UTS2B: variants seen among roughly 807,000 people sequenced by gnomAD.
UTS2B encodes the protein urotensin-2B.
Under a neutral mutation model 19.2 loss-of-function variants are expected in UTS2B, and 21 were observed. That is an observed-to-expected ratio of 1.09 (90% confidence interval 0.78 to 1.58). UTS2B has a LOEUF of 1.58. UTS2B is among the 40% of genes most tolerant of loss of function. The probability of loss-of-function intolerance (pLI) is 0.00; values close to 1 mark genes in which losing one functional copy is unlikely to be tolerated. For missense variants in UTS2B, 138 were observed against 130.3 expected (o/e 1.06, Z -0.29); for synonymous variants, 57 against 50.2 (o/e 1.14, Z -0.58).
rs143746947 is a variant in UTS2B, at chr3:191,294,001, G to A, written c.-125+10491C>T. On this transcript the variant is annotated intron_variant, in intron 4 of 8. Transcript: ENST00000340524. ...CACACGCCTGTAATCCCAGCTACTCGGGTGGCTGAGGCTGGAGAATCGCTT... is the reference window on the plus strand; with the variant it reads ...CACACGCCTGTAATCCCAGCTACTCAGGTGGCTGAGGCTGGAGAATCGCTT... Among the ~76,000 whole-genome samples the A allele has an allele frequency of 3.0e-3, 459 of 151,876 alleles. 13 individuals carry two copies. The highest frequency in any genetic ancestry group is 9.7e-3 in the African/African-American group (398 of 41,224).
Position 191,267,850 on chromosome 3 carries a change from C to T in UTS2B, c.*566G>A, listed in dbSNP as rs998568494. ...CTAACAGAGCCTTAAAACAGAAACA[C>T]AATCTTTCCATAACCTATGATTAGC... On this transcript the variant is annotated 3_prime_UTR_variant, in exon 9 of 9. Transcript: ENST00000340524. 2.6e-5 allele frequency: 4 copies of T among 152,178 alleles called. No homozygotes were observed. Among genetic ancestry groups the T allele is most frequent in the African/African-American group, 9.7e-5 (4 of 41,424 alleles). 9.4% of individuals were successfully genotyped at this position (152,178 alleles called of 1,614,324 possible).
the UTS2B span, among the ~76,000 whole-genome samples, chr3:191,336,554 C>T: frequency 6.6e-6 from 1 of 151,944 alleles, no homozygotes. Context: ...TTTACATATT[C>T]TGGATACAGT....
intron 1 of UTS2B, chr3:191,329,585 C>A (rs1030080788): frequency 2.9e-6 from 4 of 1,388,630 alleles, no homozygotes; most frequent in African/African-American, 1.5e-5. Context: ...TGCGCCGCGT[C>A]CGGCGCTGCT....
intron 2 of UTS2B, among the ~76,000 whole-genome samples, chr3:191,321,920 G>A (rs11927116): frequency 0.3 from 45,190 of 151,868 alleles, 7,622 homozygotes; most frequent in African/African-American, 0.46. Flanking sequence ...CCAGCTATTC[G>A]GGAGGCTGAG....
intron 8 of UTS2B, among the ~76,000 whole-genome samples, chr3:191,271,592 T>A (rs1184439264): frequency 2.0e-5 from 3 of 152,196 alleles, no homozygotes; most frequent in Non-Finnish European, 4.4e-5. Context: ...GTTGCTTTCT[T>A]GCCTCCTTCT....
At chr3:191,343,489 C>T in the UTS2B span, among the ~76,000 whole-genome samples, 16 of 152,218 alleles carry the variant, frequency 1.1e-4, no homozygotes, top group South Asian at 1.0e-3. Context: ...TGTTTAATTA[C>T]GAAATTTTAT....
At chr3:191,271,149 A>C (rs574912532) in intron 8 of UTS2B, among the ~76,000 whole-genome samples, 1 of 144,372 alleles carries the variant, frequency 6.9e-6, no homozygotes, top group Admixed American at 7.1e-5. Flanking sequence ...GGTTGCAGTG[A>C]GCAGAGATCA....
intron 6 of UTS2B, among the ~76,000 whole-genome samples, chr3:191,277,871 A>T (rs1201832260): frequency 6.6e-6 from 1 of 151,900 alleles, no homozygotes; most frequent in Non-Finnish European, 1.5e-5. Context: ...CAAATTGACC[A>T]AAATAGGCTA....
At chr3:191,311,424 T>C (rs919425242) in intron 3 of UTS2B, among the ~76,000 whole-genome samples, 2 of 152,216 alleles carry the variant, frequency 1.3e-5, no homozygotes, top group African/African-American at 4.8e-5. Context: ...CAGATTGATA[T>C]CTCTTTCTCT....
At chr3:191,330,182 C>T (rs1295655555) in intron 1 of UTS2B, among the ~76,000 whole-genome samples, 2 of 152,138 alleles carry the variant, frequency 1.3e-5, no homozygotes, top group African/African-American at 4.8e-5. Flanking sequence ...CCCTACTTTT[C>T]CTAGGCCGGC....
At chr3:191,325,621 G>A (rs755172857) in intron 2 of UTS2B, among the ~76,000 whole-genome samples, 45 of 152,326 alleles carry the variant, frequency 3.0e-4, no homozygotes, top group Non-Finnish European at 5.3e-4. Context: ...AATGCTTCAA[G>A]GCCTGGAGTA....
upstream of UTS2B, among the ~76,000 whole-genome samples, chr3:191,332,515 T>C (rs1418925197): frequency 6.6e-6 from 1 of 152,234 alleles, no homozygotes; most frequent in Admixed American, 6.5e-5. Flanking sequence ...CTCTATTTCT[T>C]CTGAAACATT....
At chr3:191,318,536 T>C (rs1277988444) in intron 2 of UTS2B, among the ~76,000 whole-genome samples, 1 of 152,218 alleles carries the variant, frequency 6.6e-6, no homozygotes, top group Non-Finnish European at 1.5e-5. Flanking sequence ...TGGCACAATC[T>C]CAGCTCACTG....
intron 3 of UTS2B, among the ~76,000 whole-genome samples, chr3:191,305,617 ACT>A (rs796363460): frequency 2.7e-4 from 41 of 151,764 alleles, no homozygotes; most frequent in African/African-American, 8.9e-4. Flanking sequence ...TAGGTTATTT[ACT>A]CTGTTGATAG....
Position 191,282,181 on chromosome 3 carries a change from C to G in UTS2B, c.9G>C (p.Lys3Asn). Residue 3 changes from lysine (K) to asparagine (N), a missense_variant, in exon 5 of 9, where the codon AAG (lysine) becomes AAC (asparagine). Lys to Asn is a moderately conservative substitution (Grantham distance 94). Coordinates refer to ENST00000340524, the MANE Select transcript of UTS2B (RefSeq NM_198152.5). ...CAAAGCAAACAGTGCTTGAGAGGAT[C>G]TTGTTCATGTTAAAAAAAACCTTCT... Reference protein sequence around the residue: MNKILSSTVCFGL... With the variant: MNNILSSTVCFGL... 6.2e-7 allele frequency: 1 copy of G among 1,609,458 alleles called. No individual in the cohort carries two copies. The highest frequency in any genetic ancestry group is 8.5e-7 in the Non-Finnish European group (1 of 1,178,196).
intron 8 of UTS2B, among the ~76,000 whole-genome samples, chr3:191,274,799 A>C (rs1716185410): frequency 6.6e-6 from 1 of 152,208 alleles, no homozygotes; most frequent in African/African-American, 2.4e-5. Context: ...TCCTAGGAAA[A>C]ATTATCCAAA....
chr3:191,277,458 T>C (rs142052103), intron 6 of UTS2B: 1 of 152,290 alleles, frequency 6.6e-6, no homozygotes, highest in Non-Finnish European at 1.5e-5. Flanking sequence ...TAGCACGGTA[T>C]CATATTGTCA....
At chr3:191,323,269 T>C (rs1217586222) in intron 2 of UTS2B, among the ~76,000 whole-genome samples, 1 of 152,134 alleles carries the variant, frequency 6.6e-6, no homozygotes, top group Non-Finnish European at 1.5e-5. Flanking sequence ...TTCTGCCTCC[T>C]GGGTTCAAAC....
chr3:191,302,140 GATTGC>G (rs1244502814), intron 4 of UTS2B, among the ~76,000 whole-genome samples: 1 of 152,198 alleles, frequency 6.6e-6, no homozygotes, highest in African/African-American at 2.4e-5. Context: ...CCAAATTCAA[GATTGC>G]GCTGAAAGTC....
Sources: allele counts gnomAD v4.1 joint callset (sites outside exome capture counted in the v4.1 genomes callset), GRCh38; gene constraint gnomAD v4.1.1; transcripts MANE v1.5; gene names NCBI Gene and HGNC (gene_info 2026-07-23, HGNC 2026-07-21).